Variants in AFF1 observed in about 807,000 individuals in gnomAD.
The protein encoded by AFF1 is AF4/FMR2 family member 1.
AFF1 carries 48 observed loss-of-function variants against 121.7 expected under a neutral mutation model. The observed-to-expected ratio is 0.39, with a 90% CI of 0.31 to 0.50. AFF1 has a LOEUF of 0.50. AFF1 is among the 20% of genes least tolerant of loss of function. The probability of loss-of-function intolerance (pLI) is 0.76; values close to 1 mark genes in which losing one functional copy is unlikely to be tolerated. For missense variants in AFF1, 1,523 were observed against 1,511.7 expected (o/e 1.01, Z -0.12); for synonymous variants, 613 against 563.0 (o/e 1.09, Z -1.26).
intron 2 of AFF1, among the ~76,000 whole-genome samples, chr4:86,967,920 TCA>T (rs1722648016): frequency 6.6e-6 from 1 of 152,190 alleles, no homozygotes; most frequent in Non-Finnish European, 1.5e-5. Flanking sequence ...AGAAAATGAA[TCA>T]CAGTTGTGCA....
At chr4:86,988,735 A>C (rs1322949617) in intron 2 of AFF1, among the ~76,000 whole-genome samples, 1 of 152,200 alleles carries the variant, frequency 6.6e-6, no homozygotes, top group Non-Finnish European at 1.5e-5. Flanking sequence ...TATAACGAAG[A>C]CAATCCTAAG....
intron 2 of AFF1, among the ~76,000 whole-genome samples, chr4:87,029,224 C>G (rs1728829866): frequency 6.6e-6 from 1 of 152,120 alleles, no homozygotes; most frequent in Admixed American, 6.5e-5. Context: ...AGTTGGGAAT[C>G]TGTGATTAGG....
Position 87,135,584 on chromosome 4 carries a change from C to G in AFF1, c.3540C>G (p.Phe1180Leu). 2 of 1,555,250 alleles carry G rather than the reference C, an allele frequency of 1.3e-6. No individual in the cohort carries two copies. The highest frequency in any genetic ancestry group is 8.7e-7 in the Non-Finnish European group (1 of 1,149,596). ...AEALTRKNKEFFARLSTNVCT... is the reference protein window; with the variant it reads ...AEALTRKNKELFARLSTNVCT... ...TTTGTTTTGTTTTTTTTGCAGAATTCTTTGCTCGGCTCAGCACAAATGTGT... is the reference window on the plus strand; with the variant it reads ...TTTGTTTTGTTTTTTTTGCAGAATTGTTTGCTCGGCTCAGCACAAATGTGT... The change falls in exon 21 of 21, where the codon TTC (phenylalanine) becomes TTG (leucine). Residue 1180 changes from phenylalanine to leucine, a missense_variant. By Grantham distance (22) the Phe-to-Leu change is conservative (BLOSUM62 0). This residue lies in a region of AFF1 where 241 missense variants were observed against 265.2 expected (regional missense o/e 0.91). Transcript: ENST00000395146.
intron 15 of AFF1, 58 bp downstream of exon 15, chr4:87,127,175 C>CCCT: frequency 2.5e-6 from 3 of 1,219,078 alleles, no homozygotes; most frequent in Non-Finnish European, 3.5e-6. Context: ...TTCCCCCCCC[C>CCCT]ACCAAGATAG....
At chr4:87,081,500 A>G (rs1723176184) in intron 4 of AFF1, among the ~76,000 whole-genome samples, 1 of 152,162 alleles carries the variant, frequency 6.6e-6, no homozygotes, top group Non-Finnish European at 1.5e-5. Context: ...ATGTATGTTG[A>G]ACATCTTTCC....
At chr4:87,007,686 C>T (rs1483718551) in intron 2 of AFF1, among the ~76,000 whole-genome samples, 1 of 152,222 alleles carries the variant, frequency 6.6e-6, no homozygotes, top group Admixed American at 6.5e-5. Context: ...TCCCCCAGAA[C>T]TGTTATTTTC....
At chr4:87,076,850 C>G (rs1722721695) in intron 4 of AFF1, among the ~76,000 whole-genome samples, 1 of 152,178 alleles carries the variant, frequency 6.6e-6, no homozygotes, top group South Asian at 2.1e-4. Flanking sequence ...GTAGGCACAC[C>G]CAGGCAGTAT....
At chr4:86,943,665 A>G (rs1365996637) in intron 1 of AFF1, among the ~76,000 whole-genome samples, 4 of 152,104 alleles carry the variant, frequency 2.6e-5, no homozygotes, top group Non-Finnish European at 2.9e-5. Flanking sequence ...TCTCTACAAA[A>G]AATACAAAAA....
intron 2 of AFF1, among the ~76,000 whole-genome samples, chr4:86,991,236 A>G (rs1413319756): frequency 2.6e-5 from 4 of 152,052 alleles, no homozygotes; most frequent in Non-Finnish European, 5.9e-5. Flanking sequence ...CGAGATCAGG[A>G]AATGGAGACC....
Position 87,126,288 on chromosome 4 carries a change from G to T in AFF1, c.2763G>T (p.Lys921Asn). Residue 921 changes from lysine to asparagine, a missense_variant, in exon 14 of 21, where the codon AAG (lysine) becomes AAT (asparagine). Physicochemically the swap from Lys to Asn is moderately conservative, Grantham distance 94. Coordinates refer to ENST00000395146, the MANE Select transcript of AFF1 (RefSeq NM_001166693.3). ...KSNHKDSSIP[K>N]QRRVEGKGSR... ...ACCACAAAGACTCTTCCATTCCCAA[G>T]CAGAGAAGAGTAGAGGGGAAGGGCT... 6.2e-7 allele frequency: 1 copy of T among 1,614,128 alleles called. No homozygotes were observed. Among genetic ancestry groups the T allele is most frequent in the Non-Finnish European group, 8.5e-7 (1 of 1,180,028 alleles).
chr4:87,014,120 C>T, intron 2 of AFF1, among the ~76,000 whole-genome samples: 1 of 151,162 alleles, frequency 6.6e-6, no homozygotes, highest in Admixed American at 6.6e-5. Flanking sequence ...CCAAATGCGT[C>T]TGTGTTAAAA....
In AFF1 at chr4:87,000,605, CTGTGTGTGTG is replaced by C. The variant is rs57615388; in HGVS notation, c.39-45534_39-45525del. On this transcript the variant is annotated intron_variant, in intron 2 of 20. Transcript: ENST00000395146. ...TAAAACATTTATTAAAAAATAAACT[CTGTGTGTGTG>C]TGTGTGTGTGTGTGTGTGTGTGTGT... Among the ~76,000 whole-genome samples, 1,090 of 146,460 alleles carry C rather than the reference CTGTGTGTGTG, an allele frequency of 7.4e-3. 12 individuals carry two copies. Among genetic ancestry groups the C allele is most frequent in the East Asian group, 0.024 (119 of 5,006 alleles).
At chr4:86,960,198 C>CT (rs1722048084) in intron 2 of AFF1, among the ~76,000 whole-genome samples, 1 of 152,134 alleles carries the variant, frequency 6.6e-6, no homozygotes, top group Non-Finnish European at 1.5e-5. Context: ...TGGAAAAGAT[C>CT]TTTCTTTAAG....
At chr4:87,056,621 T>C (rs919358999) in intron 4 of AFF1, among the ~76,000 whole-genome samples, 2 of 152,200 alleles carry the variant, frequency 1.3e-5, no homozygotes. Flanking sequence ...TAAAAATAAC[T>C]TTGTTTCTTT....
intron 8 of AFF1, among the ~76,000 whole-genome samples, chr4:87,096,848 A>G (rs973983322): frequency 6.6e-6 from 1 of 152,114 alleles, no homozygotes; most frequent in Non-Finnish European, 1.5e-5. Context: ...GGCTCAAGTG[A>G]TCCTCCTGCC....
rs1228882180 is a variant in AFF1, at chr4:87,136,998, T to C, written c.*1297T>C. The C allele has an allele frequency of 9.4e-5, 21 of 222,330 alleles. No individual in the cohort carries two copies. In the East Asian group the frequency reaches 1.4e-3, roughly 15 times the overall value. 13.8% of individuals were successfully genotyped at this position (222,330 alleles called of 1,614,324 possible). On this transcript the variant is annotated 3_prime_UTR_variant, in exon 21 of 21. Coordinates refer to ENST00000395146, the MANE Select transcript of AFF1 (RefSeq NM_001166693.3). ...CCCTCCGTAAGTTATTGCCATAGTGTATGCATTAAACCAAGTCCATTTTGA... is the reference window on the plus strand; with the variant it reads ...CCCTCCGTAAGTTATTGCCATAGTGCATGCATTAAACCAAGTCCATTTTGA...
chr4:87,103,834 A>AGTT (rs1399369234), intron 8 of AFF1, among the ~76,000 whole-genome samples: 3 of 152,246 alleles, frequency 2.0e-5, no homozygotes, highest in Non-Finnish European at 1.5e-5. Flanking sequence ...GAATTAAGGC[A>AGTT]AATCAGTTTT....
At chr4:87,090,169 T>G in intron 6 of AFF1, 99 bp downstream of exon 6, 1 of 967,808 alleles carries the variant, frequency 1.0e-6, no homozygotes, top group East Asian at 2.6e-5. Context: ...TGTTCAAATC[T>G]TTGGAAATGA....
At chr4:86,991,309 G>A (rs970013105) in intron 2 of AFF1, among the ~76,000 whole-genome samples, 13 of 151,986 alleles carry the variant, frequency 8.6e-5, no homozygotes, top group African/African-American at 3.1e-4. Flanking sequence ...GCCGGGCTTG[G>A]TGGCAGGCAC....
Sources: allele counts gnomAD v4.1 joint callset (sites outside exome capture counted in the v4.1 genomes callset), GRCh38; gene constraint gnomAD v4.1.1; regional missense constraint gnomAD v4.1.1; transcripts MANE v1.5; gene names NCBI Gene and HGNC (gene_info 2026-07-23, HGNC 2026-07-21).